COL4A5: variants seen among roughly 807,000 people sequenced by gnomAD.
COL4A5 encodes collagen alpha-5(IV) chain.
Under a neutral mutation model 130.2 loss-of-function variants are expected in COL4A5, and 26 were observed. The ratio of observed to expected loss-of-function variants is 0.20; its 90% CI spans 0.15 to 0.28. The LOEUF is 0.28. COL4A5 is among the 10% of genes least tolerant of loss of function. The pLI is 1.00. For missense variants in COL4A5, 1,131 were observed against 1,344.3 expected (o/e 0.84, Z 2.48); for synonymous variants, 496 against 439.6 (o/e 1.13, Z -1.60).
At chrX:108,571,286 A>G in intron 6 of COL4A5, 127 bp from the exon 7 acceptor site, 2 of 507,132 alleles carry the variant, frequency 3.9e-6, no homozygotes, top group South Asian at 5.0e-5. Context: ...AGGCTAATGA[A>G]CTTTTTGGCA....
Position 108,637,263 on chromosome X carries a change from A to G in COL4A5, c.3246+10914A>G, listed in dbSNP as rs768061670. On this transcript the variant is annotated intron_variant, in intron 36 of 52. Transcript: ENST00000328300. ...ATATAATGAGACAAATGAAAATGAA[A>G]CCACAACATACCAAAACGTACAGGA... 2.7e-5 allele frequency among the ~76,000 whole-genome samples: 3 copies of G among 110,884 alleles called. No homozygotes were observed. In the Admixed American group the frequency reaches 2.9e-4, roughly 11 times the overall value.
intron 1 of COL4A5, among the ~76,000 whole-genome samples, chrX:108,526,486 CCTTT>C (rs760502141): frequency 1.2e-3 from 136 of 109,305 alleles, no homozygotes; most frequent in African/African-American, 4.3e-3. Flanking sequence ...TTTCTTTCTT[CCTTT>C]CTTTCTTTCT....
intron 9 of COL4A5, 118 bp from the exon 10 acceptor site, chrX:108,575,792 A>G: frequency 1.9e-6 from 1 of 515,986 alleles, no homozygotes; most frequent in South Asian, 2.6e-5. Context: ...AGTTGAGATC[A>G]TGCCATTGCA....
At chrX:108,619,850 T>C (rs1371850794) in intron 30 of COL4A5, among the ~76,000 whole-genome samples, 4 of 112,301 alleles carry the variant, frequency 3.6e-5, no homozygotes, top group Admixed American at 9.4e-5. Context: ...AATACAAATG[T>C]TGAGAATAAG....
Position 108,615,020 on chromosome X carries a change from A to G in COL4A5, c.2505A>G (p.Gln835=), listed in dbSNP as rs1383769505. The G allele has an allele frequency of 8.6e-7, 1 of 1,169,022 alleles. No homozygotes were observed. The highest frequency in any genetic ancestry group is 1.8e-5 in the African/African-American group (1 of 57,001). The part of the protein sequence containing the change: ...GPPGIPGPIG[Q]PGLHGIPGEK... ...CAGGGATTCCTGGGCCAATAGGTCA[A>G]CCTGGTAAGATTAGAGTAAATGTGC... Residue 835 remains glutamine, a synonymous_variant, in exon 30 of 53, where the codon CAA becomes CAG. Transcript: ENST00000328300.
At chrX:108,632,119 G>A (rs113184473) in intron 36 of COL4A5, among the ~76,000 whole-genome samples, 215 of 110,793 alleles carry the variant, frequency 1.9e-3, no homozygotes, top group African/African-American at 4.2e-3. Context: ...GAATCAAATC[G>A]ACAAAATAAA....
At chrX:108,581,924 A>G (rs941868580) in intron 16 of COL4A5, among the ~76,000 whole-genome samples, 1 of 110,172 alleles carries the variant, frequency 9.1e-6, no homozygotes, top group Non-Finnish European at 1.9e-5. Flanking sequence ...TTGACAGGTA[A>G]TTCTTCTACT....
chrX:108,624,719 A>C (rs758675600), intron 34 of COL4A5, among the ~76,000 whole-genome samples: 1 of 111,914 alleles, frequency 8.9e-6, no homozygotes, highest in African/African-American at 3.2e-5. Flanking sequence ...CCTTTAGACA[A>C]GTCAGTCATT....
chrX:108,608,673 A>G (rs1386034583), intron 29 of COL4A5, among the ~76,000 whole-genome samples: 1 of 111,663 alleles, frequency 9.0e-6, no homozygotes, highest in Admixed American at 9.6e-5. Flanking sequence ...TATGTAATTC[A>G]CATTAAATGA....
At chrX:108,538,031 A>C (rs1330734253) in intron 1 of COL4A5, among the ~76,000 whole-genome samples, 2 of 112,148 alleles carry the variant, frequency 1.8e-5, no homozygotes, top group East Asian at 5.5e-4. Context: ...AATTTTTTGT[A>C]GATGGGTTCA....
chrX:108,570,416 A>G (rs2066046014), intron 6 of COL4A5, among the ~76,000 whole-genome samples: 1 of 111,454 alleles, frequency 9.0e-6, no homozygotes, highest in Non-Finnish European at 1.9e-5. Context: ...ATGTATCTAT[A>G]ATCAGTACAG....
chrX:108,648,251 A>C (rs909843198), intron 36 of COL4A5, among the ~76,000 whole-genome samples: 2 of 111,085 alleles, frequency 1.8e-5, no homozygotes, highest in East Asian at 2.8e-4. Context: ...GCAAGCTTGA[A>C]ATGGTAATTA....
At chrX:108,474,779 G>T (rs756810331) in intron 1 of COL4A5, among the ~76,000 whole-genome samples, 50 of 111,430 alleles carry the variant, frequency 4.5e-4, no homozygotes, top group African/African-American at 1.5e-3. Flanking sequence ...TTCTATAAGG[G>T]ATGAGATAAG....
In COL4A5 at chrX:108,622,743, G is replaced by T. The variant is rs750353449; in HGVS notation, c.2835G>T (p.Glu945Asp). ...GPTGEKGSKG[E>D]PGLPGPPGPM... is the part of the protein sequence containing the mutation. ...CAGGAGAAAAAGGTAGTAAAGGAGA[G>T]CCTGGCCTTCCAGGCCCTCCTGGAC... The change falls in exon 33 of 53, where the codon GAG becomes GAT. Residue 945 changes from glutamate to aspartate, a missense_variant. Transcript: ENST00000328300. 8.3e-7 allele frequency: 1 copy of T among 1,211,116 alleles called. No individual in the cohort carries two copies. Among genetic ancestry groups the T allele is most frequent in the South Asian group, 1.8e-5 (1 of 57,002 alleles).
chrX:108,568,695 A>T (rs771421163), intron 5 of COL4A5, 22 bp downstream of exon 5: 1 of 1,201,570 alleles, frequency 8.3e-7, no homozygotes, highest in African/African-American at 1.7e-5. Flanking sequence ...TTCACTTTTT[A>T]CTTTGAAATC....
chrX:108,440,184 G>C lies in COL4A5; in HGVS notation c.59G>C (p.Trp20Ser), dbSNP rs1283614139. 1 of 1,205,673 alleles carries C rather than the reference G, an allele frequency of 8.3e-7. No individual in the cohort carries two copies. Among genetic ancestry groups the C allele is most frequent in the Non-Finnish European group, 1.1e-6 (1 of 891,373 alleles). ...AGLFLLALSL[W>S]GQPAEAAACY... ...TTGTTCTTACTGGCCCTGAGTCTTT[G>C]GGGGCAGCCTGCAGAGGCTGCGGTA... The change falls in exon 1 of 53, where the codon TGG becomes TCG. Residue 20 changes from tryptophan to serine, a missense_variant. Physicochemically the swap from Trp to Ser is radical, Grantham distance 177. Coordinates refer to ENST00000328300, the MANE Select transcript of COL4A5 (RefSeq NM_033380.3).
chrX:108,524,748 C>G (rs2065296943), intron 1 of COL4A5, among the ~76,000 whole-genome samples: 1 of 110,914 alleles, frequency 9.0e-6, no homozygotes, highest in South Asian at 3.8e-4. Context: ...TGTTCTTTGA[C>G]CTATAGGTTA....
chrX:108,683,378 C>CT (rs1433209146), intron 47 of COL4A5, among the ~76,000 whole-genome samples: 2 of 111,323 alleles, frequency 1.8e-5, no homozygotes, highest in African/African-American at 6.5e-5. Flanking sequence ...TATATGGGCT[C>CT]TTTTTTTAAT....
At chrX:108,595,902 C>T (rs1034364178) in intron 22 of COL4A5, among the ~76,000 whole-genome samples, 9 of 111,879 alleles carry the variant, frequency 8.0e-5, no homozygotes. Flanking sequence ...TTCCAGAATA[C>T]TGGGAGAAAA....
Sources: gnomAD v4.1 joint callset for allele counts (sites outside exome capture counted in the v4.1 genomes callset) on GRCh38, gnomAD v4.1.1 for gene constraint, MANE v1.5 for transcripts, NCBI Gene and HGNC (gene_info 2026-07-23, HGNC 2026-07-21) for gene names.